Variants in KIAA1210 observed in about 807,000 individuals in gnomAD.
KIAA1210 encodes the protein KIAA1210.
KIAA1210 carries 48 observed loss-of-function variants against 78.9 expected under a neutral mutation model. That is an observed-to-expected ratio of 0.61 (90% CI 0.48 to 0.77). The LOEUF (loss-of-function observed/expected upper bound fraction) is 0.77, where lower values mean the gene tolerates loss of function less well. KIAA1210 is among the 30% of genes least tolerant of loss of function. The pLI is 0.00. For synonymous variants in KIAA1210, 406 were observed against 404.5 expected (o/e 1.00, Z -0.04); for missense variants, 1,108 against 1,100.0 (o/e 1.01, Z -0.10).
intron 6 of KIAA1210, among the ~76,000 whole-genome samples, chrX:119,098,943 G>C (rs889431491): frequency 8.9e-6 from 1 of 111,906 alleles, no homozygotes; most frequent in African/African-American, 3.2e-5. Flanking sequence ...TTACGTTAAA[G>C]GCTTCCACCA....
intron 1 of KIAA1210, among the ~76,000 whole-genome samples, chrX:119,125,326 T>C (rs1343183963): frequency 9.0e-6 from 1 of 110,822 alleles, no homozygotes; most frequent in Non-Finnish European, 1.9e-5. Context: ...ACATACCTTT[T>C]GATCCAGGAA....
intron 2 of KIAA1210, among the ~76,000 whole-genome samples, chrX:119,121,604 T>G (rs1355498438): frequency 8.9e-6 from 1 of 111,779 alleles, no homozygotes; most frequent in African/African-American, 3.3e-5. Context: ...CACAGCTAAA[T>G]CTAATGAGAA....
At chrX:119,083,973 A>G (rs1361366589) in intron 10 of KIAA1210, among the ~76,000 whole-genome samples, 1 of 89,791 alleles carries the variant, frequency 1.1e-5, no homozygotes, top group Non-Finnish European at 2.1e-5. Flanking sequence ...CACTCCAGCC[A>G]GGAAGACAGA....
Position 119,088,624 on chromosome X carries a change from G to A in KIAA1210, c.2078C>T (p.Ser693Leu), listed in dbSNP as rs371915824. The change falls in exon 9 of 12, where the codon TCA becomes TTA. Residue 693 changes from serine (S) to leucine (L), a missense_variant. Ser to Leu is a moderately radical substitution (Grantham distance 145). Coordinates refer to ENST00000691062, the MANE Select transcript of KIAA1210 (RefSeq NM_001394962.1). ...GTGTCTGAGAGGCAGGTCTTCCTCT[G>A]AGCTGCTGCAATCATCAGAAGTGTT... ...KYNTSDDCSS[S>L]EEDLPLRHPA... is the part of the protein sequence containing the mutation. The A allele has an allele frequency of 1.1e-4, 132 of 1,209,947 alleles. No homozygotes were observed. The highest frequency in any genetic ancestry group is 1.4e-4 in the Non-Finnish European group (127 of 895,150).
Position 119,116,641 on chromosome X carries a change from C to T in KIAA1210, c.85G>A (p.Ala29Thr). The change falls in exon 3 of 12, where the codon GCC becomes ACC. Residue 29 changes from alanine to threonine, a missense_variant. Coordinates refer to ENST00000691062, the MANE Select transcript of KIAA1210 (RefSeq NM_001394962.1). Reference sequence around the variant, plus strand: ...TTCTTAACAAAAAAGCTCTTAAGGGCTTTAAATTTGCATTTCTTCTTTCCT... The same window carrying T: ...TTCTTAACAAAAAAGCTCTTAAGGGTTTTAAATTTGCATTTCTTCTTTCCT... ...DEGKKKCKFK[A>T]LKSFFVKKKE... 8.3e-7 allele frequency: 1 copy of T among 1,203,343 alleles called. No individual in the cohort carries two copies.
chrX:119,150,236 A>C, intron 1 of KIAA1210: 4 of 1,112,967 alleles, frequency 3.6e-6, no homozygotes, highest in Non-Finnish European at 4.8e-6. Flanking sequence ...CTCAGACTTG[A>C]GTCATTTCTT....
At chrX:119,148,749 C>G (rs1490008067) in intron 1 of KIAA1210, among the ~76,000 whole-genome samples, 1 of 111,450 alleles carries the variant, frequency 9.0e-6, no homozygotes, top group African/African-American at 3.3e-5. Context: ...CAATGAGGCT[C>G]TTGGCATGGA....
In KIAA1210 at chrX:119,116,630, G is replaced by A. The variant is rs1446533413; in HGVS notation, c.96C>T (p.Ser32=). The part of the protein sequence containing the change: ...KKKCKFKALK[S]FFVKKKEKEA... ...CTTTTTCCTTCTTCTTAACAAAAAAGCTCTTAAGGGCTTTAAATTTGCATT... is the reference window on the plus strand; with the variant it reads ...CTTTTTCCTTCTTCTTAACAAAAAAACTCTTAAGGGCTTTAAATTTGCATT... Residue 32 remains serine, a synonymous_variant, in exon 3 of 12, where the codon AGC becomes AGT. Transcript: ENST00000691062. 3.3e-6 allele frequency: 4 copies of A among 1,202,537 alleles called. No individual in the cohort carries two copies. The African/African-American group carries it at 5.3e-5, about 16-fold the overall frequency.
At chrX:119,098,111 G>A (rs1381021917) in intron 6 of KIAA1210, among the ~76,000 whole-genome samples, 1 of 111,319 alleles carries the variant, frequency 9.0e-6, no homozygotes. Context: ...AACCTCACAT[G>A]ATCTGTCTTC....
At chrX:119,133,056 T>C (rs1928831025) in intron 2 of KIAA1210, among the ~76,000 whole-genome samples, 2 of 111,427 alleles carry the variant, frequency 1.8e-5, no homozygotes, top group Admixed American at 9.5e-5. Flanking sequence ...GTGGTGGTGA[T>C]TGGATTCTTC....
At chrX:119,135,231 C>T (rs985451135) in intron 2 of KIAA1210, among the ~76,000 whole-genome samples, 1 of 111,988 alleles carries the variant, frequency 8.9e-6, no homozygotes, top group Non-Finnish European at 1.9e-5. Flanking sequence ...ATTTGAAATG[C>T]CCACTCACTG....
intron 1 of KIAA1210, among the ~76,000 whole-genome samples, chrX:119,124,524 T>C (rs761112776): frequency 8.0e-5 from 9 of 111,993 alleles, no homozygotes; most frequent in Non-Finnish European, 1.7e-4. Flanking sequence ...TTCACGGGTG[T>C]GCCCAGGGAG....
At chrX:119,106,269 A>C (rs1163856379) in intron 5 of KIAA1210, among the ~76,000 whole-genome samples, 1 of 112,450 alleles carries the variant, frequency 8.9e-6, no homozygotes, top group Non-Finnish European at 1.9e-5. Context: ...CTAAGCAGAG[A>C]GTGCTCTCCA....
At chrX:119,093,817 T>C in intron 7 of KIAA1210, 42 bp from the exon 8 acceptor site, 1 of 1,105,402 alleles carries the variant, frequency 9.0e-7, no homozygotes. Context: ...ACTGAAGTGC[T>C]TTCCAACCAC....
chrX:119,138,879 G>T (rs1279983918), intron 2 of KIAA1210, among the ~76,000 whole-genome samples: 1 of 111,882 alleles, frequency 8.9e-6, no homozygotes, highest in East Asian at 2.8e-4. Context: ...AAATGGGGGT[G>T]GCAGGTGGTT....
At position 119,080,986 on chromosome X, in the gene KIAA1210, C is replaced by T. The variant is rs1356414217; in HGVS notation, c.*343G>A. ...ATCATTTAAAACGCTGATGCTTGGC[C>T]GGGCGCGGTGGCTCACGCCTGTAAT... On this transcript the variant is annotated 3_prime_UTR_variant, in exon 12 of 12. Transcript: ENST00000691062. 2.2e-5 allele frequency: 3 copies of T among 136,023 alleles called. No homozygotes were observed. The highest frequency in any genetic ancestry group is 2.0e-4 in the East Asian group (1 of 5,127). The allele number at this position is 136,023 out of a possible 1,213,427, so 11.2% of individuals were successfully genotyped here. A position where few individuals can be genotyped will look rare whatever the true frequency, so the allele number is the denominator to read the frequency against.
chrX:119,148,317 T>C (rs1929215972), intron 1 of KIAA1210, among the ~76,000 whole-genome samples: 1 of 111,614 alleles, frequency 9.0e-6, no homozygotes, highest in African/African-American at 3.3e-5. Flanking sequence ...GGAGTCAGGG[T>C]ACTCAGGAGT....
intron 6 of KIAA1210, among the ~76,000 whole-genome samples, chrX:119,101,867 C>T (rs1927744433): frequency 1.8e-5 from 2 of 111,997 alleles, no homozygotes; most frequent in African/African-American, 6.5e-5. Flanking sequence ...GGCTGTCTGA[C>T]CTTGAGCAAG....
chrX:119,150,287 G>A (rs765397863), intron 1 of KIAA1210: 1 of 1,198,911 alleles, frequency 8.3e-7, no homozygotes, highest in South Asian at 1.8e-5. Context: ...GTGCCACAAA[G>A]TACCCCTGCA....
Sources: allele counts gnomAD v4.1 joint callset (sites outside exome capture counted in the v4.1 genomes callset), GRCh38; gene constraint gnomAD v4.1.1; transcripts MANE v1.5; gene names NCBI Gene and HGNC (gene_info 2026-07-23, HGNC 2026-07-21).